GLYAT: variants seen among roughly 807,000 people sequenced by gnomAD.
GLYAT encodes glycine N-acyltransferase.
Under a neutral mutation model 22.8 loss-of-function variants are expected in GLYAT, and 25 were observed. The ratio of observed to expected loss-of-function variants is 1.09; its 90% CI spans 0.80 to 1.53. GLYAT has a LOEUF of 1.53. Among genes scored for constraint, GLYAT ranks in the 40% most tolerant of loss-of-function variants. The pLI, the probability that GLYAT is intolerant of heterozygous loss-of-function variation, is 0.00. For synonymous variants in GLYAT, 140 were observed against 122.7 expected (o/e 1.14, Z -0.93); for missense variants, 411 against 353.9 (o/e 1.16, Z -1.29).
chr11:58,726,194 GAT>G (rs1856810280), intron 1 of GLYAT, among the ~76,000 whole-genome samples: 1 of 151,978 alleles, frequency 6.6e-6, no homozygotes, highest in Non-Finnish European at 1.5e-5. Context: ...CTGGGTGTGG[GAT>G]GTGGGGCATG....
At position 58,718,664 on chromosome 11, in the gene GLYAT, A is replaced by G. The variant is rs541833185; in HGVS notation, c.82-3241T>C. On this transcript the variant is annotated intron_variant, in intron 2 of 5. Transcript: ENST00000344743. ...CAGCCATAGTCAAAAGACACAATTG[A>G]CAAGAAAATTTATTACTTCTGTGGC... 2.6e-5 allele frequency among the ~76,000 whole-genome samples: 4 copies of G among 151,972 alleles called. No homozygotes were observed. In the East Asian group the frequency reaches 7.7e-4, roughly 29 times the overall value.
intron 4 of GLYAT, 106 bp downstream of exon 4, chr11:58,712,654 A>G: frequency 2.1e-6 from 2 of 955,632 alleles, no homozygotes; most frequent in Non-Finnish European, 3.3e-6. Context: ...AACAAAATTG[A>G]CAGCAGGCTG....
chr11:58,713,556 A>G (rs1042561175), intron 3 of GLYAT, among the ~76,000 whole-genome samples: 1 of 152,140 alleles, frequency 6.6e-6, no homozygotes, highest in African/African-American at 2.4e-5. Context: ...AAGATTAAAA[A>G]CTAATTCAAA....
At position 58,715,470 on chromosome 11, in the gene GLYAT, C is replaced by T. The variant is rs370364747; in HGVS notation, c.82-47G>A. The T allele has an allele frequency of 7.0e-4, 597 of 854,804 alleles. 8 individuals carry two copies. Among genetic ancestry groups the T allele is most frequent in the South Asian group, 6.4e-3 (447 of 70,018 alleles). 53.0% of individuals were successfully genotyped at this position (854,804 alleles called of 1,614,324 possible). ...ACAGGGTTGGTTTATTTGAAAAAAA[C>T]AGTAAAGTTTCTTGCTTGATTAGGA... On this transcript the variant is annotated intron_variant, in intron 2 of 5. Transcript: ENST00000344743.
At chr11:58,725,707 G>T (rs540905391) in intron 1 of GLYAT, among the ~76,000 whole-genome samples, 1 of 151,924 alleles carries the variant, frequency 6.6e-6, no homozygotes. Context: ...GAAGTAAAGT[G>T]CATTTGGAAG....
chr11:58,714,025 C>T (rs187226449), intron 3 of GLYAT, among the ~76,000 whole-genome samples: 41 of 152,020 alleles, frequency 2.7e-4, no homozygotes, highest in African/African-American at 8.9e-4. Flanking sequence ...CTATGTTGAA[C>T]CTGGAGGACA....
intron 4 of GLYAT, among the ~76,000 whole-genome samples, chr11:58,711,340 T>A (rs933597338): frequency 6.6e-6 from 1 of 152,202 alleles, no homozygotes; most frequent in Non-Finnish European, 1.5e-5. Flanking sequence ...TGTCAGGTTA[T>A]ACATAACCCT....
intron 2 of GLYAT, among the ~76,000 whole-genome samples, chr11:58,719,461 C>T (rs1038478973): frequency 6.6e-6 from 1 of 151,942 alleles, no homozygotes; most frequent in African/African-American, 2.4e-5. Context: ...GGTCTATATG[C>T]TGGTTTTTCA....
intron 1 of GLYAT, chr11:58,728,561 A>G (rs1856833501): frequency 6.6e-6 from 1 of 152,036 alleles, no homozygotes; most frequent in Non-Finnish European, 1.5e-5. Flanking sequence ...TAAAACAATA[A>G]CAATTTTCAT....
chr11:58,713,011 C>T, intron 3 of GLYAT, 125 bp from the exon 4 acceptor site: 2 of 582,338 alleles, frequency 3.4e-6, no homozygotes, highest in South Asian at 3.3e-5. Flanking sequence ...ACAATTATTT[C>T]TTTTTTATTG....
intron 2 of GLYAT, among the ~76,000 whole-genome samples, chr11:58,717,473 A>T (rs1332757021): frequency 6.6e-6 from 1 of 152,042 alleles, no homozygotes; most frequent in Non-Finnish European, 1.5e-5. Flanking sequence ...TTTTTTCTGA[A>T]GTTTAAGTTG....
chr11:58,710,169 C>A lies in GLYAT; in HGVS notation c.489-1G>T. ...TGAGAGTTTAAACATCTCTTGGTTG[C>A]TATGGAGGGTCCAAGAAGAAAACAA... On this transcript the variant is annotated splice_acceptor_variant, in intron 5 of 5. Transcript: ENST00000344743. LOFTEE classifies it high-confidence loss of function. 1 of 1,607,914 alleles carries A rather than the reference C, an allele frequency of 6.2e-7. No homozygotes were observed. The highest frequency in any genetic ancestry group is 8.5e-7 in the Non-Finnish European group (1 of 1,176,552).
At chr11:58,727,992 C>T (rs1278578001) in intron 1 of GLYAT, among the ~76,000 whole-genome samples, 1 of 151,608 alleles carries the variant, frequency 6.6e-6, no homozygotes, top group East Asian at 1.9e-4. Flanking sequence ...CTCAGGTCAC[C>T]CACTTTGCCC....
chr11:58,715,228 G>C, intron 3 of GLYAT, 88 bp downstream of exon 3: 1 of 660,388 alleles, frequency 1.5e-6, no homozygotes, highest in South Asian at 1.9e-5. Context: ...ATTTACTTCT[G>C]CATGCCCTGG....
chr11:58,709,622 G>T lies in GLYAT; in HGVS notation c.*144C>A. 1.2e-6 allele frequency: 1 copy of T among 809,096 alleles called. No individual in the cohort carries two copies. The highest frequency in any genetic ancestry group is 1.9e-6 in the Non-Finnish European group (1 of 519,740). The allele number at this position is 809,096 out of a possible 1,614,324, so 50.1% of individuals were successfully genotyped here. On this transcript the variant is annotated 3_prime_UTR_variant, in exon 6 of 6. Transcript: ENST00000344743. ...ATGCAGGGACCATGGCGATGCTGTT[G>T]AACATCACACTGCTTCCCCAGAGTC...
At chr11:58,710,248 C>T in intron 5 of GLYAT, 80 bp from the exon 6 acceptor site, 1 of 1,498,398 alleles carries the variant, frequency 6.7e-7, no homozygotes, top group East Asian at 2.3e-5. Context: ...TCTTGAGAGA[C>T]AGAGTAGACA....
Position 58,709,608 on chromosome 11 carries a change from A to T in GLYAT, c.*158T>A, listed in dbSNP as rs1269591845. ...TGAGAAACCTGTGAATGCAGGGACC[A>T]TGGCGATGCTGTTGAACATCACACT... On this transcript the variant is annotated 3_prime_UTR_variant, in exon 6 of 6. Transcript: ENST00000344743. 9.9e-6 allele frequency: 7 copies of T among 709,364 alleles called. No homozygotes were observed. The Admixed American group carries it at 2.0e-4, about 20-fold the overall frequency. 43.9% of individuals were successfully genotyped at this position (709,364 alleles called of 1,614,324 possible).
intron 3 of GLYAT, 89 bp downstream of exon 3, chr11:58,715,226 CT>C: frequency 1.5e-6 from 1 of 654,750 alleles, no homozygotes; most frequent in Non-Finnish European, 2.7e-6. Context: ...TGATTTACTT[CT>C]GCATGCCCTG....
At position 58,709,748 on chromosome 11, in the gene GLYAT, T is replaced by G. The variant is rs750137242; in HGVS notation, c.*18A>C. The G allele has an allele frequency of 6.3e-7, 1 of 1,594,400 alleles. No homozygotes were observed. On this transcript the variant is annotated 3_prime_UTR_variant, in exon 6 of 6. Coordinates refer to ENST00000344743, the MANE Select transcript of GLYAT (RefSeq NM_201648.3). ...ACGCCCAGACCTGCCCAACACTGTCTTATGTTCAGGATTGGCATCACAGAG... is the reference window on the plus strand; with the variant it reads ...ACGCCCAGACCTGCCCAACACTGTCGTATGTTCAGGATTGGCATCACAGAG...
Sources: gnomAD v4.1 joint callset for allele counts (sites outside exome capture counted in the v4.1 genomes callset) on GRCh38, gnomAD v4.1.1 for gene constraint, MANE v1.5 for transcripts, NCBI Gene and HGNC (gene_info 2026-07-23, HGNC 2026-07-21) for gene names.